Variants in DAPK2 observed in about 807,000 individuals in gnomAD.
The protein encoded by DAPK2 is death-associated protein kinase 2.
In DAPK2, 35 loss-of-function variants were observed where a neutral mutation model predicts 44.1. The observed-to-expected ratio is 0.79, with a 90% CI of 0.61 to 1.05. The LOEUF (loss-of-function observed/expected upper bound fraction) is 1.05, where lower values mean the gene tolerates loss of function less well. Among genes scored for constraint, DAPK2 ranks in the 50% least tolerant of loss-of-function variants. The pLI, the probability that DAPK2 is intolerant of heterozygous loss-of-function variation, is 0.00. For missense variants in DAPK2, 453 were observed against 483.2 expected, an observed-to-expected ratio of 0.94 and a Z score of 0.59; for synonymous variants, 174 against 182.6, an observed-to-expected ratio of 0.95 and a Z score of 0.38.
Position 64,013,756 on chromosome 15 carries a change from T to C in DAPK2, c.92+26414A>G, listed in dbSNP as rs566838695. On this transcript the variant is annotated intron_variant, in intron 1 of 10. Coordinates refer to ENST00000261891, the Ensembl canonical transcript of DAPK2. This position sits in a 1 kb window ranked among gnomAD's most constrained non-coding sequence, Gnocchi z 4.7. ...CAAGCTGGATTTGAGAAATTATTCATTCTGGAAAACTACAGTTGGCCTCAT... is the reference window on the plus strand; with the variant it reads ...CAAGCTGGATTTGAGAAATTATTCACTCTGGAAAACTACAGTTGGCCTCAT... Among the ~76,000 whole-genome samples the C allele has an allele frequency of 3.7e-4, 57 of 152,328 alleles. No individual in the cohort carries two copies. Among genetic ancestry groups the C allele is most frequent in the African/African-American group, 1.3e-3 (55 of 41,566 alleles).
intron 1 of DAPK2, among the ~76,000 whole-genome samples, chr15:63,988,397 C>A (rs2078722483): frequency 6.6e-6 from 1 of 152,162 alleles, no homozygotes; most frequent in Non-Finnish European, 1.5e-5. Flanking sequence ...CCCCACCCCC[C>A]AAAGTCTTCA....
At chr15:63,915,924 G>A (rs1479729568) in intron 8 of DAPK2, among the ~76,000 whole-genome samples, 1 of 151,348 alleles carries the variant, frequency 6.6e-6, no homozygotes, top group Non-Finnish European at 1.5e-5. Context: ...GAGGGAATGT[G>A]GCACAAACAC....
At chr15:63,967,097 G>A (rs1434018410) in intron 3 of DAPK2, among the ~76,000 whole-genome samples, 2 of 152,028 alleles carry the variant, frequency 1.3e-5, no homozygotes, top group Non-Finnish European at 2.9e-5. Flanking sequence ...GAAGAATGGC[G>A]TGAACCTGGT....
chr15:63,935,598 C>A (rs2077121823), intron 4 of DAPK2: 1 of 152,086 alleles, frequency 6.6e-6, no homozygotes, highest in South Asian at 2.1e-4. Context: ...TATAATGTGT[C>A]TAGGTAAGAT....
chr15:63,997,041 C>T (rs2078968785), intron 1 of DAPK2, among the ~76,000 whole-genome samples: 1 of 152,192 alleles, frequency 6.6e-6, no homozygotes. Context: ...TCTTCCTCTA[C>T]ACCTCTCCCA....
At chr15:63,965,160 T>C (rs2078019411) in intron 3 of DAPK2, among the ~76,000 whole-genome samples, 1 of 152,244 alleles carries the variant, frequency 6.6e-6, no homozygotes, top group Non-Finnish European at 1.5e-5. Context: ...CAGCCAAATC[T>C]GTATTAGAGG....
At chr15:63,927,113 CT>C (rs2140344495) in intron 6 of DAPK2, among the ~76,000 whole-genome samples, 1 of 152,312 alleles carries the variant, frequency 6.6e-6, no homozygotes, top group African/African-American at 2.4e-5. Context: ...AAATTCCCAC[CT>C]CATGTGATTG....
intron 6 of DAPK2, among the ~76,000 whole-genome samples, chr15:63,927,612 C>T (rs537246915): frequency 3.9e-4 from 60 of 152,338 alleles, no homozygotes; most frequent in African/African-American, 1.4e-3. Context: ...CCCCAGCAAG[C>T]AGGGAAGACC....
At chr15:63,927,598 G>A (rs1413594204) in intron 6 of DAPK2, among the ~76,000 whole-genome samples, 5 of 152,290 alleles carry the variant, frequency 3.3e-5, no homozygotes, top group African/African-American at 1.2e-4. Context: ...CCACAGACAG[G>A]GAGCCCCAGC....
At chr15:63,924,197 C>A (rs2079172367) in intron 8 of DAPK2, among the ~76,000 whole-genome samples, 1 of 152,188 alleles carries the variant, frequency 6.6e-6, no homozygotes, top group Non-Finnish European at 1.5e-5. Flanking sequence ...GGAAAGCCAG[C>A]AGCTGACTGG....
intron 4 of DAPK2, among the ~76,000 whole-genome samples, chr15:63,936,623 A>G (rs929115180): frequency 1.8e-4 from 28 of 152,118 alleles, no homozygotes; most frequent in African/African-American, 6.7e-4. Flanking sequence ...ATAAATAAAA[A>G]TAAAGATTTC....
intron 1 of DAPK2, among the ~76,000 whole-genome samples, chr15:64,024,929 C>T (rs990428875): frequency 2.6e-5 from 4 of 152,130 alleles, no homozygotes; most frequent in African/African-American, 7.2e-5. Flanking sequence ...GGTCCTAAGG[C>T]CTCAGGGTTA....
At chr15:64,007,738 T>C (rs987195344) in intron 1 of DAPK2, among the ~76,000 whole-genome samples, 5 of 152,242 alleles carry the variant, frequency 3.3e-5, no homozygotes, top group Non-Finnish European at 2.9e-5. Context: ...CTGTGTGCCA[T>C]TTAGCACTAA....
intron 1 of DAPK2, among the ~76,000 whole-genome samples, chr15:63,994,586 C>CTTTTTTT (rs11346004): frequency 1.1e-5 from 1 of 93,300 alleles, no homozygotes; most frequent in Non-Finnish European, 2.2e-5. Flanking sequence ...ATCTTTTTTA[C>CTTTTTTT]TTTTTTTTTT....
At position 63,997,348 on chromosome 15, in the gene DAPK2, G is replaced by A. The variant is rs914413173; in HGVS notation, c.93-13594C>T. On this transcript the variant is annotated intron_variant, in intron 1 of 10. Transcript: ENST00000261891. ...GCAATTTATTTTATTTTATTTCTGA[G>A]ACAGATTCTCGCTCTGTCACCCAGG... 2.0e-5 allele frequency among the ~76,000 whole-genome samples: 3 copies of A among 152,072 alleles called. No homozygotes were observed. In the East Asian group the frequency reaches 5.8e-4, roughly 29 times the overall value.
chr15:64,010,177 C>G (rs1247495739), intron 1 of DAPK2, among the ~76,000 whole-genome samples: 3 of 152,152 alleles, frequency 2.0e-5, no homozygotes, highest in African/African-American at 4.8e-5. Context: ...GTCAGGAACT[C>G]TGGGGGTGGG....
intron 1 of DAPK2, among the ~76,000 whole-genome samples, chr15:64,025,752 A>G (rs954195462): frequency 8.5e-5 from 13 of 152,378 alleles, no homozygotes; most frequent in Non-Finnish European, 1.5e-4. Flanking sequence ...AAGTTTTTAA[A>G]TAATTAATTA....
intron 3 of DAPK2, among the ~76,000 whole-genome samples, chr15:63,954,795 T>C (rs1271271935): frequency 3.3e-5 from 5 of 152,198 alleles, no homozygotes; most frequent in Non-Finnish European, 7.3e-5. Flanking sequence ...ATAGAATATC[T>C]TTCCATTTTT....
intron 3 of DAPK2, among the ~76,000 whole-genome samples, chr15:63,952,687 G>T (rs118137964): frequency 2.4e-3 from 360 of 151,914 alleles, no homozygotes; most frequent in Non-Finnish European, 4.2e-3. Context: ...TACATAGTAG[G>T]TGTATATATT....
Sources: allele counts gnomAD v4.1 joint callset (sites outside exome capture counted in the v4.1 genomes callset), GRCh38; gene constraint gnomAD v4.1.1; non-coding constraint Gnocchi (gnomAD v3.1); transcripts MANE v1.5; gene names NCBI Gene and HGNC (gene_info 2026-07-23, HGNC 2026-07-21).